PTPRD: variants seen among roughly 807,000 people sequenced by gnomAD.
PTPRD encodes the protein protein tyrosine phosphatase receptor type D, also known as receptor-type tyrosine-protein phosphatase delta.
A neutral mutation model predicts 214.5 loss-of-function variants in PTPRD; 34 were observed. The observed-to-expected ratio is 0.16, with a 90% CI of 0.12 to 0.21. PTPRD has a LOEUF of 0.21. PTPRD is among the 10% of genes least tolerant of loss of function. The pLI is 1.00. For synonymous variants in PTPRD, 1,128 were observed against 845.7 expected (o/e 1.33, Z -5.79); for missense variants, 2,545 against 2,398.7 (o/e 1.06, Z -1.27).
intron 11 of PTPRD, among the ~76,000 whole-genome samples, chr9:8,911,457 C>G (rs899639556): frequency 1.2e-4 from 17 of 136,494 alleles, no homozygotes; most frequent in African/African-American, 4.1e-4. Context: ...GAGAGAGAGA[C>G]AAAGAGAGAA....
chr9:8,944,041 A>G (rs1472597298), intron 11 of PTPRD, among the ~76,000 whole-genome samples: 1 of 152,094 alleles, frequency 6.6e-6, no homozygotes, highest in Non-Finnish European at 1.5e-5. Context: ...AGGAGCTCAA[A>G]CAACTAAGTA....
chr9:10,501,186 A>C (rs1204897449), intron 2 of PTPRD, among the ~76,000 whole-genome samples: 1 of 151,962 alleles, frequency 6.6e-6, no homozygotes, highest in Non-Finnish European at 1.5e-5. Context: ...TTTTCTCTAC[A>C]TCCTCATTGG....
rs140566565 is a variant in PTPRD, at chr9:10,571,819, T to C, written c.-600+40579A>G. Among the ~76,000 whole-genome samples, 101 of 152,168 alleles carry C rather than the reference T, an allele frequency of 6.6e-4. 2 individuals are homozygous for C. In the East Asian group the frequency reaches 0.019, roughly 29 times the overall value. The stretch of plus-strand genomic sequence containing the variant: ...GACCTAGATCTCTCACATGAGCAGT[T>C]CACAATAGGGTTCATGCTCCTGTGA... On this transcript the variant is annotated intron_variant, in intron 2 of 45. Transcript: ENST00000381196.
At chr9:10,202,805 G>T (rs901221015) in intron 3 of PTPRD, among the ~76,000 whole-genome samples, 3 of 151,292 alleles carry the variant, frequency 2.0e-5, no homozygotes, top group African/African-American at 7.3e-5. Flanking sequence ...GAAGGAGCTT[G>T]ATCTCCATCC....
At position 8,523,401 on chromosome 9, in the gene PTPRD, C is replaced by T; in HGVS notation, c.691+112G>A. ...CCAGGGCATTCTCTGCTAAAACATACCATTAACCAAAAGAAGAACACAATG... is the reference window on the plus strand; with the variant it reads ...CCAGGGCATTCTCTGCTAAAACATATCATTAACCAAAAGAAGAACACAATG... On this transcript the variant is annotated intron_variant, in intron 19 of 45. Coordinates refer to ENST00000381196, the MANE Select transcript of PTPRD (RefSeq NM_002839.4). 3 of 1,299,948 alleles carry T rather than the reference C, an allele frequency of 2.3e-6. No individual in the cohort carries two copies. In the South Asian group the frequency reaches 3.9e-5, roughly 17 times the overall value. 80.5% of individuals were successfully genotyped at this position (1,299,948 alleles called of 1,614,324 possible).
At chr9:8,364,370 A>C (rs905583474) in intron 39 of PTPRD, among the ~76,000 whole-genome samples, 2 of 152,256 alleles carry the variant, frequency 1.3e-5, no homozygotes, top group East Asian at 3.8e-4. Flanking sequence ...GTTCCAGCAG[A>C]AAAACAATAT....
rs570807231 is a variant in PTPRD at position 10,612,875 on chromosome 9, G to A, written c.-895C>T. On this transcript the variant is annotated 5_prime_UTR_variant, in exon 1 of 46. Coordinates refer to ENST00000381196, the MANE Select transcript of PTPRD (RefSeq NM_002839.4). ...GGCAAGGAGGAGGCGAGGCTCTGTC[G>A]GGGCGAGGCGCTGCCCCCACGCGCT... Among the ~76,000 whole-genome samples the A allele has an allele frequency of 6.6e-6, 1 of 151,940 alleles. No individual in the cohort carries two copies. Among genetic ancestry groups the A allele is most frequent in the East Asian group, 1.9e-4 (1 of 5,136 alleles).
chr9:9,884,851 G>A (rs1273924017), intron 5 of PTPRD, among the ~76,000 whole-genome samples: 1 of 152,030 alleles, frequency 6.6e-6, no homozygotes, highest in South Asian at 2.1e-4. Context: ...TTCCCATTCT[G>A]CCACGATTGT....
At chr9:9,785,982 T>C (rs1248782778) in intron 5 of PTPRD, among the ~76,000 whole-genome samples, 2 of 152,202 alleles carry the variant, frequency 1.3e-5, no homozygotes, top group East Asian at 3.8e-4. Context: ...TTATTACCAC[T>C]TTGCTAATGT....
At chr9:8,962,342 T>C (rs764618273) in intron 11 of PTPRD, among the ~76,000 whole-genome samples, 3 of 152,110 alleles carry the variant, frequency 2.0e-5, no homozygotes, top group Non-Finnish European at 2.9e-5. Context: ...AGAAAGCACA[T>C]GATTCAGAGA....
chr9:9,636,148 C>A (rs2095758962), intron 7 of PTPRD, among the ~76,000 whole-genome samples: 2 of 152,126 alleles, frequency 1.3e-5, no homozygotes, highest in South Asian at 4.1e-4. Context: ...TTCTCCTGAC[C>A]TGAAACACTT....
rs977880205 is a variant in PTPRD at position 8,710,599 on chromosome 9, G to C, written c.64+23181C>G. 5.9e-5 allele frequency among the ~76,000 whole-genome samples: 9 copies of C among 152,152 alleles called. No homozygotes were observed. The South Asian group carries it at 1.2e-3, about 21-fold the overall frequency. ...CCACTGCACTCCAGTCTGGGTGACA[G>C]AGTGAGACCTTGTCTCAAAAAATAA... On this transcript the variant is annotated intron_variant, in intron 12 of 45. Coordinates refer to ENST00000381196, the MANE Select transcript of PTPRD (RefSeq NM_002839.4).
At chr9:9,904,515 A>G (rs1203730512) in intron 5 of PTPRD, among the ~76,000 whole-genome samples, 1 of 152,064 alleles carries the variant, frequency 6.6e-6, no homozygotes, top group Admixed American at 6.6e-5. Context: ...AAGATCACAA[A>G]CCAAAGGTTA....
intron 9 of PTPRD, among the ~76,000 whole-genome samples, chr9:9,271,380 T>G (rs1278563055): frequency 1.3e-5 from 2 of 151,306 alleles, no homozygotes; most frequent in African/African-American, 4.8e-5. Context: ...TAATTAACTA[T>G]TTATCTTTCA....
chr9:9,893,365 T>C (rs918459943), intron 5 of PTPRD, among the ~76,000 whole-genome samples: 1 of 152,054 alleles, frequency 6.6e-6, no homozygotes, highest in Non-Finnish European at 1.5e-5. Flanking sequence ...GCCATTGGTA[T>C]GCTGTCTTCA....
chr9:10,597,948 TGCTGGGAAA>T (rs1208471676), intron 2 of PTPRD, among the ~76,000 whole-genome samples: 2 of 151,832 alleles, frequency 1.3e-5, no homozygotes, highest in African/African-American at 4.8e-5. Flanking sequence ...AAAAACTCTT[TGCTGGGAAA>T]GCATGACGGC....
At chr9:10,070,747 A>G (rs548697797) in intron 3 of PTPRD, among the ~76,000 whole-genome samples, 1 of 151,972 alleles carries the variant, frequency 6.6e-6, no homozygotes, top group Non-Finnish European at 1.5e-5. Flanking sequence ...GAAATTTTCA[A>G]TGACTATTTA....
chr9:8,893,843 G>A (rs936646147), intron 11 of PTPRD, among the ~76,000 whole-genome samples: 2 of 152,078 alleles, frequency 1.3e-5, no homozygotes, highest in African/African-American at 2.4e-5. Context: ...AGAAAAGCTC[G>A]CTGTAGAATG....
intron 9 of PTPRD, among the ~76,000 whole-genome samples, chr9:9,321,692 T>C (rs1966640967): frequency 1.3e-5 from 2 of 152,192 alleles, no homozygotes; most frequent in Non-Finnish European, 2.9e-5. Flanking sequence ...CATCTAACTT[T>C]CCAGTATTTA....
Sources: gnomAD v4.1 joint callset for allele counts (sites outside exome capture counted in the v4.1 genomes callset) on GRCh38, gnomAD v4.1.1 for gene constraint, MANE v1.5 for transcripts, NCBI Gene and HGNC (gene_info 2026-07-23, HGNC 2026-07-21) for gene names.